Variants in CDC27 observed in about 807,000 individuals in gnomAD.
CDC27 encodes the protein cell division cycle 27, also known as cell division cycle protein 27 homolog.
CDC27 carries 27 observed loss-of-function variants against 109.7 expected under a neutral mutation model. The observed-to-expected ratio is 0.25, with a 90% confidence interval of 0.18 to 0.34. The LOEUF (loss-of-function observed/expected upper bound fraction) is 0.34. Ranked by LOEUF, CDC27 falls within the 10% of genes least tolerant of loss-of-function variation. The probability of loss-of-function intolerance (pLI) is 1.00; values close to 1 mark genes in which losing one functional copy is unlikely to be tolerated. For missense variants in CDC27, 579 were observed against 960.2 expected, an observed-to-expected ratio of 0.60 and a Z score of 5.25; for synonymous variants, 266 against 333.9, an observed-to-expected ratio of 0.80 and a Z score of 2.22.
At position 47,170,027 on chromosome 17, in the gene CDC27, T is replaced by C. The variant is rs79348596; in HGVS notation, c.267A>G (p.Glu89=). The stretch of plus-strand genomic sequence containing the variant: ...TAAACACTCCACCAGATAAGATTTG[T>C]TCCCCTTCTGCAAGCCTTTAAAATA... ...CVDLSKLAEG[E]QILSGGVFNK... is the part of the protein sequence containing the mutation. Residue 89 remains glutamate (E), a synonymous_variant, in exon 4 of 19, where the codon GAA becomes GAG. Coordinates refer to ENST00000066544, the MANE Select transcript of CDC27 (RefSeq NM_001256.6). The C allele has an allele frequency of 1.3e-6, 2 of 1,532,486 alleles. No individual in the cohort carries two copies. The highest frequency in any genetic ancestry group is 2.2e-5 in the Admixed American group (1 of 45,834). 94.9% of individuals were successfully genotyped at this position (1,532,486 alleles called of 1,614,324 possible).
rs796807395 is a variant in CDC27, at chr17:47,143,981, T to G, written c.1072A>C (p.Thr358Pro). ...GTGGGGCTCAATACCTGAGGTGTTG[T>G]ACTAAAAAAAAATTATAAAGGAAGA... Reference protein sequence around the residue: ...QTQSSGPQTSTTPQVLSPTIT... With the variant: ...QTQSSGPQTSPTPQVLSPTIT... The change falls in exon 10 of 19, where the codon ACA becomes CCA. Residue 358 changes from threonine (T) to proline (P), a missense_variant and splice_region_variant. Thr to Pro is a conservative substitution (Grantham distance 38). Coordinates refer to ENST00000066544, the MANE Select transcript of CDC27 (RefSeq NM_001256.6). 7.2e-7 allele frequency: 1 copy of G among 1,388,960 alleles called. No homozygotes were observed. Among genetic ancestry groups the G allele is most frequent in the Non-Finnish European group, 9.5e-7 (1 of 1,051,344 alleles). 86.0% of individuals were successfully genotyped at this position (1,388,960 alleles called of 1,614,324 possible). A position where few individuals can be genotyped will look rare whatever the true frequency, so the allele number is the denominator to read the frequency against.
rs1211522309 is a variant in CDC27 at position 47,117,762 on chromosome 17, G to A, written c.*3173C>T. On this transcript the variant is annotated 3_prime_UTR_variant, in exon 19 of 19. Transcript: ENST00000066544. The stretch of plus-strand genomic sequence containing the variant: ...AATAATACTAAAAAAGAGTATGACC[G>A]TTTAAAAATATAAATATATTAAGAG... 6.6e-6 allele frequency: 1 copy of A among 152,046 alleles called. No individual in the cohort carries two copies. Among genetic ancestry groups the A allele is most frequent in the South Asian group, 2.1e-4 (1 of 4,828 alleles). The allele number at this position is 152,046 out of a possible 1,614,324, so 9.4% of individuals were successfully genotyped here. A position where few individuals can be genotyped will look rare whatever the true frequency, so the allele number is the denominator to read the frequency against.
intron 2 of CDC27, among the ~76,000 whole-genome samples, chr17:47,175,954 T>A (rs565280738): frequency 1.3e-5 from 2 of 152,328 alleles, no homozygotes; most frequent in East Asian, 3.9e-4. Context: ...CTACTAGCTA[T>A]GACTTAGGGC....
In CDC27 at chr17:47,183,244, C is replaced by T. The variant is rs8081278; in HGVS notation, c.28-1607G>A. On this transcript the variant is annotated intron_variant, in intron 1 of 18. Transcript: ENST00000066544. ...GTTGAATGATTTAAAAAGGTTACAA[C>T]GGAAACCAGTAAAATCTGGTTACTG... Among the ~76,000 whole-genome samples, 993 of 152,144 alleles carry T rather than the reference C, an allele frequency of 6.5e-3. 20 individuals carry two copies. Among genetic ancestry groups the T allele is most frequent in the African/African-American group, 0.023 (948 of 41,488 alleles).
chr17:47,132,173 AT>A, intron 15 of CDC27, 83 bp downstream of exon 15: 1 of 730,208 alleles, frequency 1.4e-6, no homozygotes, highest in South Asian at 2.2e-5. Context: ...AAAAGGACCA[AT>A]TTTTATCACA....
At chr17:47,169,506 G>A (rs1002627593) in intron 4 of CDC27, among the ~76,000 whole-genome samples, 1 of 151,804 alleles carries the variant, frequency 6.6e-6, no homozygotes, top group African/African-American at 2.4e-5. Context: ...TTAGCTGGGC[G>A]TGGTGTCGGG....
intron 2 of CDC27, among the ~76,000 whole-genome samples, chr17:47,179,267 T>G (rs975180458): frequency 1.1e-4 from 16 of 152,340 alleles, no homozygotes; most frequent in African/African-American, 3.8e-4. Context: ...ATATAGAAAC[T>G]GCTACTAGTG....
intron 4 of CDC27, among the ~76,000 whole-genome samples, chr17:47,165,924 T>C (rs1392202732): frequency 6.6e-6 from 1 of 152,220 alleles, no homozygotes; most frequent in African/African-American, 2.4e-5. Context: ...CTCCATTAAA[T>C]TGTTTTTCAC....
At chr17:47,150,951 G>C (rs570049432) in intron 9 of CDC27, among the ~76,000 whole-genome samples, 4 of 152,074 alleles carry the variant, frequency 2.6e-5, no homozygotes, top group African/African-American at 9.7e-5. Flanking sequence ...AGAATCACTT[G>C]AACCCGGGAG....
chr17:47,174,717 A>G (rs2063926821), intron 2 of CDC27, among the ~76,000 whole-genome samples: 1 of 152,202 alleles, frequency 6.6e-6, no homozygotes, highest in African/African-American at 2.4e-5. Context: ...GCACTTTGGG[A>G]GGCCGAGGCA....
intron 7 of CDC27, among the ~76,000 whole-genome samples, chr17:47,155,409 C>A (rs1196962534): frequency 6.6e-6 from 1 of 152,046 alleles, no homozygotes; most frequent in Non-Finnish European, 1.5e-5. Context: ...CCATGCCGGG[C>A]TAATTTTTGT....
In CDC27 at chr17:47,128,190, C is replaced by T. The variant is rs575115561; in HGVS notation, c.2160+1203G>A. Among the ~76,000 whole-genome samples, 13 of 152,060 alleles carry T rather than the reference C, an allele frequency of 8.5e-5. 1 individual carries two copies. Among genetic ancestry groups the T allele is most frequent in the Admixed American group, 8.5e-4 (13 of 15,244 alleles). The stretch of plus-strand genomic sequence containing the variant: ...GGTCTACAGGTGCACACCACCATGC[C>T]TGGCTAATTTTTGTATTTTTGGTAG... On this transcript the variant is annotated intron_variant, in intron 16 of 18. Transcript: ENST00000066544.
intron 9 of CDC27, among the ~76,000 whole-genome samples, chr17:47,144,871 T>TCACACACACACACACA (rs35160918): frequency 2.7e-3 from 407 of 149,982 alleles, no homozygotes; most frequent in Admixed American, 4.4e-3. Context: ...TGTGTGTATA[T>TCACACACACACACACA]CACACACACA....
In CDC27 at chr17:47,141,971, G is replaced by A; in HGVS notation, c.1433C>T (p.Ser478Leu). 6.2e-7 allele frequency: 1 copy of A among 1,607,876 alleles called. No individual in the cohort carries two copies. Among genetic ancestry groups the A allele is most frequent in the Non-Finnish European group, 8.5e-7 (1 of 1,176,236 alleles). ...ATTTATAGCTTCTTTGCAGTTGTAT[G>A]AACACAAAGCTAAATAACCTTTCCC... The part of the protein sequence containing the change: ...EMGKGYLALC[S>L]YNCKEAINIL... Residue 478 changes from serine to leucine, a missense_variant, in exon 12 of 19, where the codon TCA (serine) becomes TTA (leucine). Coordinates refer to ENST00000066544, the MANE Select transcript of CDC27 (RefSeq NM_001256.6).
At chr17:47,182,789 GT>G (rs1333403807) in intron 1 of CDC27, among the ~76,000 whole-genome samples, 2 of 151,910 alleles carry the variant, frequency 1.3e-5, no homozygotes, top group Admixed American at 6.6e-5. Flanking sequence ...TTTCTAGGGT[GT>G]TTTTTTGTTT....
intron 2 of CDC27, among the ~76,000 whole-genome samples, chr17:47,177,598 G>A (rs1441651909): frequency 6.6e-6 from 1 of 152,114 alleles, no homozygotes; most frequent in Non-Finnish European, 1.5e-5. Flanking sequence ...TTTGCAGTGT[G>A]GGATGTAAAA....
At chr17:47,179,344 CTG>C (rs1180642482) in intron 2 of CDC27, among the ~76,000 whole-genome samples, 1 of 152,014 alleles carries the variant, frequency 6.6e-6, no homozygotes, top group Non-Finnish European at 1.5e-5. Context: ...ACCAAGAAAA[CTG>C]TTGCCAAGAA....
At chr17:47,143,661 T>C (rs1302251365) in intron 10 of CDC27, among the ~76,000 whole-genome samples, 1 of 152,144 alleles carries the variant, frequency 6.6e-6, no homozygotes, top group Non-Finnish European at 1.5e-5. Flanking sequence ...ATGTCATTTT[T>C]AACTTGAGAA....
chr17:47,126,247 G>A (rs1304771889), intron 16 of CDC27, among the ~76,000 whole-genome samples: 3 of 151,978 alleles, frequency 2.0e-5, no homozygotes, highest in Admixed American at 6.6e-5. Context: ...ACAGCCCCAG[G>A]AGATCCTGAG....
Sources: allele counts gnomAD v4.1 joint callset (sites outside exome capture counted in the v4.1 genomes callset), GRCh38; gene constraint gnomAD v4.1.1; transcripts MANE v1.5; gene names NCBI Gene and HGNC (gene_info 2026-07-23, HGNC 2026-07-21).